SYNE2: variants seen among roughly 807,000 people sequenced by gnomAD.
The protein encoded by SYNE2 is nesprin-2.
Under a neutral mutation model 856.3 loss-of-function variants are expected in SYNE2, and 431 were observed. The observed-to-expected ratio is 0.50, with a 90% CI of 0.47 to 0.55. The LOEUF (loss-of-function observed/expected upper bound fraction) is 0.55. Ranked by LOEUF, SYNE2 falls within the 20% of genes least tolerant of loss-of-function variation. The probability of loss-of-function intolerance (pLI) is 0.00; values close to 1 mark genes in which losing one functional copy is unlikely to be tolerated. For synonymous variants in SYNE2, 2,923 were observed against 2,872.3 expected, an observed-to-expected ratio of 1.02 and a Z score of -0.56; for missense variants, 8,129 against 8,023.2, an observed-to-expected ratio of 1.01 and a Z score of -0.50.
Position 63,826,688 on chromosome 14 carries a change from C to T in SYNE2, c.-304-25813C>T, listed in dbSNP as rs536355589. ...CCTACAAACATGAAATTGAATCTCACACCACTTACAAAAATTAACCAAAAA... is the reference window on the plus strand; with the variant it reads ...CCTACAAACATGAAATTGAATCTCATACCACTTACAAAAATTAACCAAAAA... On this transcript the variant is annotated intron_variant, in intron 1 of 23. Coordinates refer to the SYNE2 transcript ENST00000674003. Among the ~76,000 whole-genome samples, 6 of 152,206 alleles carry T rather than the reference C, an allele frequency of 3.9e-5. No homozygotes were observed. The East Asian group carries it at 1.2e-3, about 29-fold the overall frequency.
chr14:64,185,920 TACTC>T (rs762591327), intron 96 of SYNE2, among the ~76,000 whole-genome samples: 45 of 152,376 alleles, frequency 3.0e-4, no homozygotes, highest in Middle Eastern at 3.4e-3. Context: ...CCGTTATACT[TACTC>T]ATTATTTTCA....
intron 1 of SYNE2, among the ~76,000 whole-genome samples, chr14:63,874,319 G>T (rs2094664023): frequency 1.3e-5 from 2 of 152,120 alleles, no homozygotes; most frequent in Non-Finnish European, 2.9e-5. Context: ...TGATTTCCTT[G>T]TTATTTGTAG....
At chr14:63,893,091 A>G (rs866754753) in intron 1 of SYNE2, among the ~76,000 whole-genome samples, 7 of 152,198 alleles carry the variant, frequency 4.6e-5, no homozygotes, top group African/African-American at 7.2e-5. Flanking sequence ...CAAAGTGAAA[A>G]AGGAACATTA....
chr14:63,779,365 GTAATC>G, intron 1 of SYNE2, among the ~76,000 whole-genome samples: 1 of 115,946 alleles, frequency 8.6e-6, no homozygotes, highest in East Asian at 2.4e-4. Context: ...AATAAAATCA[GTAATC>G]TAAATTTCCA....
At chr14:64,073,276 A>G (rs2097427648) in intron 52 of SYNE2, among the ~76,000 whole-genome samples, 1 of 152,092 alleles carries the variant, frequency 6.6e-6, no homozygotes, top group South Asian at 2.1e-4. Context: ...TCCTGAGGCT[A>G]CTCAGGATCC....
chr14:64,155,375 G>T (rs1180794570), intron 85 of SYNE2, among the ~76,000 whole-genome samples: 1 of 152,150 alleles, frequency 6.6e-6, no homozygotes, highest in Admixed American at 6.5e-5. Flanking sequence ...CATATTGTTT[G>T]ATTCTGTTTA....
At chr14:64,188,496 G>T (rs753774361) in intron 97 of SYNE2, 54 bp from the exon 98 acceptor site, 3 of 1,605,360 alleles carry the variant, frequency 1.9e-6, no homozygotes, top group South Asian at 1.1e-5. Context: ...GGGAGAGAAG[G>T]GGGTGCTTTC....
intron 2 of SYNE2, among the ~76,000 whole-genome samples, chr14:63,926,398 G>A (rs1420520067): frequency 6.6e-6 from 1 of 152,130 alleles, no homozygotes; most frequent in African/African-American, 2.4e-5. Flanking sequence ...ATTTATTTGT[G>A]TAGACTAAAC....
At position 64,002,876 on chromosome 14, in the gene SYNE2, G is replaced by T. The variant is rs1412269882; in HGVS notation, c.3943G>T (p.Val1315Leu). ...ACAATTTGAAGGAATGAACCACAGGGTGCAGAGGAGTGAAGATACTCTCAA... is the reference window on the plus strand; with the variant it reads ...ACAATTTGAAGGAATGAACCACAGGTTGCAGAGGAGTGAAGATACTCTCAA... ...KTQFEGMNHRVQRSEDTLKAL... is the reference protein window; with the variant it reads ...KTQFEGMNHRLQRSEDTLKAL... The change falls in exon 30 of 116, where the codon GTG becomes TTG. Residue 1315 changes from valine (V) to leucine (L), a missense_variant. Around this residue, in one of 3 missense-constraint regions of SYNE2, gnomAD observed 2,422 missense variants for 2,357.4 expected, o/e 1.03. Transcript: ENST00000555002. The T allele has an allele frequency of 5.0e-6, 8 of 1,614,030 alleles. No homozygotes were observed. In the South Asian group the frequency reaches 8.8e-5, roughly 18 times the overall value.
chr14:63,980,500 C>T (rs966735221), intron 14 of SYNE2, among the ~76,000 whole-genome samples, 154 bp from the exon 15 acceptor site: 2 of 152,182 alleles, frequency 1.3e-5, no homozygotes, highest in African/African-American at 4.8e-5. Flanking sequence ...TTTCACCATC[C>T]TTCTTCCTGT....
intron 1 of SYNE2, among the ~76,000 whole-genome samples, chr14:63,764,353 C>G (rs750037921): frequency 6.6e-6 from 1 of 152,148 alleles, no homozygotes; most frequent in South Asian, 2.1e-4. Flanking sequence ...GAGGGATGAA[C>G]AGCTGAGGCT....
intron 1 of SYNE2, among the ~76,000 whole-genome samples, chr14:63,771,067 T>TA: frequency 1.2e-5 from 1 of 81,120 alleles, no homozygotes. Context: ...TTATACACTC[T>TA]TTTTTTTTTT....
At chr14:64,086,265 T>C (rs559134002) in intron 57 of SYNE2, among the ~76,000 whole-genome samples, 10 of 152,224 alleles carry the variant, frequency 6.6e-5, no homozygotes, top group Non-Finnish European at 1.3e-4. Flanking sequence ...TTGATAACAA[T>C]CACCATTAAA....
chr14:64,133,367 CT>C (rs1303369950), intron 77 of SYNE2, among the ~76,000 whole-genome samples: 2 of 151,952 alleles, frequency 1.3e-5, no homozygotes, highest in African/African-American at 4.8e-5. Flanking sequence ...AGTGAGTGTT[CT>C]ATAAAAGCCA....
intron 46 of SYNE2, chr14:64,049,118 A>T (rs2097206544): frequency 6.6e-6 from 1 of 152,238 alleles, no homozygotes; most frequent in African/African-American, 2.4e-5. Context: ...TGAATTTTAG[A>T]CTGGATTTTA....
At chr14:63,949,703 C>T in intron 6 of SYNE2, 122 bp from the exon 7 acceptor site, 1 of 977,836 alleles carries the variant, frequency 1.0e-6, no homozygotes, top group Non-Finnish European at 1.6e-6. Flanking sequence ...GTATTCATTT[C>T]ACCAGGAGTA....
At chr14:64,034,418 T>G (rs2097068975) in intron 45 of SYNE2, 1 of 440,058 alleles carries the variant, frequency 2.3e-6, no homozygotes, top group African/African-American at 2.0e-5. Flanking sequence ...CAGATTATTT[T>G]AAATAGACCC....
chr14:63,967,851 C>G lies in SYNE2; in HGVS notation c.1128+5C>G. 1 of 1,613,706 alleles carries G rather than the reference C, an allele frequency of 6.2e-7. No individual in the cohort carries two copies. The highest frequency in any genetic ancestry group is 8.5e-7 in the Non-Finnish European group (1 of 1,179,802). Reference sequence around the variant, plus strand: ...TGGGATGGCCTCGATCACCAGGTGACTGTTTGTGTTGATTAGAAGAATATT... The same window carrying G: ...TGGGATGGCCTCGATCACCAGGTGAGTGTTTGTGTTGATTAGAAGAATATT... On this transcript the variant is annotated splice_donor_5th_base_variant and intron_variant, in intron 11 of 115. Coordinates refer to ENST00000555002, the MANE Select transcript of SYNE2 (RefSeq NM_182914.3).
intron 103 of SYNE2, 50 bp from the exon 104 acceptor site, chr14:64,211,911 A>G (rs149842821): frequency 7.9e-4 from 1,277 of 1,613,118 alleles, no homozygotes; most frequent in Non-Finnish European, 9.8e-4. Context: ...GTCTGTCTGA[A>G]CTCTTGTTCC....
Sources: gnomAD v4.1 joint callset for allele counts (sites outside exome capture counted in the v4.1 genomes callset) on GRCh38, gnomAD v4.1.1 for gene constraint, gnomAD v4.1.1 regional missense constraint, MANE v1.5 for transcripts, NCBI Gene and HGNC (gene_info 2026-07-23, HGNC 2026-07-21) for gene names.